TPD52L2: variants seen among roughly 807,000 people sequenced by gnomAD.
The protein encoded by TPD52L2 is tumor protein D54.
Under a neutral mutation model 24.7 loss-of-function variants are expected in TPD52L2, and 19 were observed. The observed-to-expected ratio is 0.77, with a 90% CI of 0.54 to 1.13. TPD52L2 has a LOEUF of 1.13. Ranked by LOEUF, TPD52L2 falls within the 50% of genes most tolerant of loss-of-function variation. The pLI is 0.00. For missense variants in TPD52L2, 236 were observed against 250.4 expected, an observed-to-expected ratio of 0.94 and a Z score of 0.39; for synonymous variants, 104 against 100.2, an observed-to-expected ratio of 1.04 and a Z score of -0.23.
chr20:63,886,475 C>T (rs2053113658), intron 5 of TPD52L2, among the ~76,000 whole-genome samples: 1 of 152,088 alleles, frequency 6.6e-6, no homozygotes, highest in East Asian at 1.9e-4. Flanking sequence ...ATTCTCCTGC[C>T]TCAGCCTCTC....
At chr20:63,875,399 GT>G (rs909595840) in intron 3 of TPD52L2, among the ~76,000 whole-genome samples, 3 of 152,154 alleles carry the variant, frequency 2.0e-5, no homozygotes, top group Admixed American at 6.6e-5. Context: ...CAGAAGACAT[GT>G]TCCTATACAA....
chr20:63,875,676 A>T, intron 3 of TPD52L2, 140 bp from the exon 4 acceptor site: 1 of 779,378 alleles, frequency 1.3e-6, no homozygotes, highest in Non-Finnish European at 2.1e-6. Flanking sequence ...GAGGCAGTGG[A>T]CCCCATTTTT....
intron 4 of TPD52L2, among the ~76,000 whole-genome samples, chr20:63,880,817 T>G (rs1358859510): frequency 1.4e-5 from 2 of 147,296 alleles, no homozygotes; most frequent in Non-Finnish European, 3.0e-5. Context: ...CGTGCACCCG[T>G]GAGGCAGAGC....
At chr20:63,881,698 C>T (rs532676667) in intron 4 of TPD52L2, among the ~76,000 whole-genome samples, 8 of 152,340 alleles carry the variant, frequency 5.3e-5, no homozygotes, top group South Asian at 2.1e-4. Flanking sequence ...GCACTGGTAA[C>T]GCCAAGATGG....
chr20:63,873,227 C>T (rs1187040396), intron 2 of TPD52L2, among the ~76,000 whole-genome samples: 6 of 151,972 alleles, frequency 3.9e-5, no homozygotes, highest in African/African-American at 1.2e-4. Context: ...CGGTGGCTCA[C>T]GCCTGTAATC....
intron 3 of TPD52L2, among the ~76,000 whole-genome samples, chr20:63,875,150 A>ATATATATATAT (rs1360259821): frequency 2.1e-5 from 3 of 144,444 alleles, no homozygotes; most frequent in Non-Finnish European, 4.5e-5. Flanking sequence ...TCAAAAAAAA[A>ATATATATATAT]AAATATATAT....
intron 1 of TPD52L2, 31 bp from the exon 2 acceptor site, chr20:63,869,265 A>G (rs758594237): frequency 5.6e-6 from 9 of 1,612,638 alleles, no homozygotes; most frequent in Non-Finnish European, 7.6e-6. Context: ...AACTTATTTG[A>G]CACTTTGTGG....
chr20:63,881,340 A>G (rs2052890002), intron 4 of TPD52L2, among the ~76,000 whole-genome samples: 1 of 151,228 alleles, frequency 6.6e-6, no homozygotes. Context: ...AGCCTGAGTG[A>G]CAGAGCGAGA....
At chr20:63,878,494 C>A (rs1487324434) in intron 4 of TPD52L2, among the ~76,000 whole-genome samples, 1 of 152,178 alleles carries the variant, frequency 6.6e-6, no homozygotes, top group East Asian at 1.9e-4. Context: ...GTAGCATCAA[C>A]CAAACAGGGA....
chr20:63,883,413 C>A (rs1214410243), intron 5 of TPD52L2, among the ~76,000 whole-genome samples: 1 of 152,190 alleles, frequency 6.6e-6, no homozygotes, highest in Admixed American at 6.5e-5. Context: ...TCTAGGCTCC[C>A]TGACTACAGC....
intron 2 of TPD52L2, among the ~76,000 whole-genome samples, chr20:63,872,890 G>A (rs1214183152): frequency 6.6e-6 from 1 of 151,438 alleles, no homozygotes; most frequent in Non-Finnish European, 1.5e-5. Context: ...TTTTTTAGTA[G>A]AGACAGGGTT....
intron 5 of TPD52L2, chr20:63,886,934 CG>C (rs2053150303): frequency 6.2e-6 from 1 of 160,338 alleles, no homozygotes; most frequent in Non-Finnish European, 1.4e-5. Context: ...TGAGCCACTG[CG>C]CCGGGCCCTC....
intron 5 of TPD52L2, among the ~76,000 whole-genome samples, chr20:63,883,853 C>G: frequency 6.6e-6 from 1 of 151,582 alleles, no homozygotes. Context: ...TCCCTGCCTG[C>G]CTGCCTTAGG....
At chr20:63,876,208 A>G (rs144985650) in intron 4 of TPD52L2, among the ~76,000 whole-genome samples, 2 of 152,330 alleles carry the variant, frequency 1.3e-5, no homozygotes, top group South Asian at 2.1e-4. Context: ...CAAGCTGGAC[A>G]ACACCACTTG....
intron 4 of TPD52L2, among the ~76,000 whole-genome samples, chr20:63,879,493 C>T (rs565545223): frequency 7.2e-5 from 11 of 152,258 alleles, no homozygotes; most frequent in African/African-American, 2.6e-4. Context: ...ACCCACAGGT[C>T]ACGCTCAGGA....
In TPD52L2 at chr20:63,890,170, A is replaced by C. The variant is rs2053279366; in HGVS notation, c.*225A>C. ...CTCACGTTTGTAGATGAAACAGATCACTGTGCTGTCCTTCCTAGGGGTGCA... is the reference window on the plus strand; with the variant it reads ...CTCACGTTTGTAGATGAAACAGATCCCTGTGCTGTCCTTCCTAGGGGTGCA... On this transcript the variant is annotated 3_prime_UTR_variant, in exon 7 of 7. Transcript: ENST00000346249. 2 of 1,042,864 alleles carry C rather than the reference A, an allele frequency of 1.9e-6. No homozygotes were observed. The highest frequency in any genetic ancestry group is 5.3e-5 in the Admixed American group (2 of 37,762). The allele number at this position is 1,042,864 out of a possible 1,614,324, so 64.6% of individuals were successfully genotyped here. A position where few individuals can be genotyped will look rare whatever the true frequency, so the allele number is the denominator to read the frequency against.
intron 1 of TPD52L2, 49 bp from the exon 2 acceptor site, chr20:63,869,247 T>C (rs1456018019): frequency 1.2e-6 from 2 of 1,609,688 alleles, no homozygotes; most frequent in Non-Finnish European, 1.7e-6. Flanking sequence ...CCGTATTTAC[T>C]TGGAACTAAC....
intron 5 of TPD52L2, among the ~76,000 whole-genome samples, chr20:63,883,932 G>A (rs1225415493): frequency 1.3e-5 from 2 of 151,960 alleles, no homozygotes; most frequent in Non-Finnish European, 2.9e-5. Context: ...GCTTTCCCCT[G>A]ACCACTAAGC....
chr20:63,881,626 C>T (rs926895272), intron 4 of TPD52L2, among the ~76,000 whole-genome samples: 3 of 152,186 alleles, frequency 2.0e-5, no homozygotes, highest in Non-Finnish European at 4.4e-5. Context: ...TGTGCCTTCT[C>T]TGGCGCCAGT....
Sources: gnomAD v4.1 joint callset for allele counts (sites outside exome capture counted in the v4.1 genomes callset) on GRCh38, gnomAD v4.1.1 for gene constraint, MANE v1.5 for transcripts, NCBI Gene and HGNC (gene_info 2026-07-23, HGNC 2026-07-21) for gene names.